LRMDA: variants seen among roughly 807,000 people sequenced by gnomAD.
LRMDA encodes the protein leucine-rich melanocyte differentiation-associated protein.
Under a neutral mutation model 29.8 loss-of-function variants are expected in LRMDA, and 18 were observed. The ratio of observed to expected loss-of-function variants is 0.60; its 90% confidence interval spans 0.42 to 0.90. The LOEUF is 0.90. Among genes scored for constraint, LRMDA ranks in the 40% least tolerant of loss-of-function variants. The pLI is 0.00. For synonymous variants in LRMDA, 125 were observed against 109.4 expected (o/e 1.14, Z -0.89); for missense variants, 273 against 273.9 (o/e 1.00, Z 0.02).
intron 5 of LRMDA, among the ~76,000 whole-genome samples, chr10:76,235,083 G>C (rs1391149780): frequency 6.6e-6 from 1 of 152,142 alleles, no homozygotes; most frequent in African/African-American, 2.4e-5. Context: ...TTTGATTTAA[G>C]TGTGCCTCTT....
At chr10:75,585,098 C>T (rs78860475) in intron 2 of LRMDA, among the ~76,000 whole-genome samples, 16 of 152,286 alleles carry the variant, frequency 1.1e-4, no homozygotes, top group African/African-American at 3.4e-4. Flanking sequence ...ATAGAATATT[C>T]CTGGCACCCA....
In LRMDA at chr10:75,563,141, A is replaced by G. The variant is rs574765669; in HGVS notation, c.131+124647A>G. Among the ~76,000 whole-genome samples the G allele has an allele frequency of 3.1e-3, 470 of 152,130 alleles. 4 individuals carry two copies. The Middle Eastern group carries it at 0.054, about 18-fold the overall frequency. On this transcript the variant is annotated intron_variant, in intron 2 of 6. Coordinates refer to ENST00000611255, the MANE Select transcript of LRMDA (RefSeq NM_001305581.2). ...GCAGAGTGTTTTCCAACTTGGTTCC[A>G]TTCTCCCCGTCACTTTCAGGTACAC... is the stretch of plus-strand genomic sequence containing the variant.
chr10:76,091,146 G>C (rs1451583110), intron 5 of LRMDA, among the ~76,000 whole-genome samples: 1 of 152,142 alleles, frequency 6.6e-6, no homozygotes, highest in Non-Finnish European at 1.5e-5. Context: ...TCTCAACTGT[G>C]AAATAATATC....
intron 5 of LRMDA, among the ~76,000 whole-genome samples, chr10:76,111,714 T>C (rs1849581317): frequency 6.6e-6 from 1 of 152,198 alleles, no homozygotes; most frequent in Non-Finnish European, 1.5e-5. Flanking sequence ...ATAAATGTTA[T>C]TTACTTGCTC....
intron 2 of LRMDA, among the ~76,000 whole-genome samples, chr10:75,949,440 T>C (rs1361253106): frequency 6.6e-6 from 1 of 152,178 alleles, no homozygotes. Flanking sequence ...TCTCAGGGGA[T>C]AGCCATGTGC....
chr10:76,444,671 C>T (rs553477818), intron 6 of LRMDA, among the ~76,000 whole-genome samples: 4 of 152,172 alleles, frequency 2.6e-5, no homozygotes, highest in South Asian at 2.1e-4. Context: ...CCCTATCACA[C>T]GTTGACGAAT....
chr10:75,936,349 G>A (rs1293056549), intron 2 of LRMDA, among the ~76,000 whole-genome samples: 2 of 152,122 alleles, frequency 1.3e-5, no homozygotes, highest in Non-Finnish European at 2.9e-5. Flanking sequence ...AGTCTGACGA[G>A]CTCATCTTTA....
intron 2 of LRMDA, among the ~76,000 whole-genome samples, chr10:75,956,971 TC>T (rs1221795369): frequency 2.0e-5 from 3 of 152,252 alleles, no homozygotes; most frequent in Non-Finnish European, 2.9e-5. Context: ...ACCACTGAAA[TC>T]TTTGCTTTGT....
At chr10:75,708,011 G>C (rs899892785) in intron 2 of LRMDA, among the ~76,000 whole-genome samples, 1 of 152,102 alleles carries the variant, frequency 6.6e-6, no homozygotes, top group African/African-American at 2.4e-5. Context: ...TGTTTCATGA[G>C]CTTAGCAAAC....
chr10:76,481,422 G>C (rs1442343418), intron 6 of LRMDA, among the ~76,000 whole-genome samples: 1 of 151,872 alleles, frequency 6.6e-6, no homozygotes, highest in South Asian at 2.1e-4. Context: ...CTTCTTTAGG[G>C]AGATATAAAT....
At chr10:76,475,048 T>C (rs1346751639) in intron 6 of LRMDA, among the ~76,000 whole-genome samples, 1 of 151,788 alleles carries the variant, frequency 6.6e-6, no homozygotes, top group Middle Eastern at 3.2e-3. Flanking sequence ...GAAGTACTGA[T>C]ATATGCTACA....
At chr10:76,348,840 G>T (rs1284003654) in intron 6 of LRMDA, among the ~76,000 whole-genome samples, 3 of 152,342 alleles carry the variant, frequency 2.0e-5, no homozygotes, top group Non-Finnish European at 4.4e-5. Context: ...GCAGCAAACT[G>T]TGACATTTGC....
intron 5 of LRMDA, among the ~76,000 whole-genome samples, chr10:76,082,010 A>G (rs1249954680): frequency 6.6e-6 from 1 of 152,162 alleles, no homozygotes; most frequent in African/African-American, 2.4e-5. Context: ...CCAAATCCTC[A>G]TCCTTCAGCC....
chr10:76,378,919 C>A (rs1293463948), intron 6 of LRMDA, among the ~76,000 whole-genome samples: 1 of 142,520 alleles, frequency 7.0e-6, no homozygotes, highest in African/African-American at 2.6e-5. Context: ...TGCAGTGGCG[C>A]CATTTTGGCT....
rs1554894323 is a variant in LRMDA at position 75,493,348 on chromosome 10, G to GGGGGGT, written c.131+54855_131+54856insGGGGTG. Among the ~76,000 whole-genome samples the GGGGGGT allele has an allele frequency of 2.3e-5, 3 of 133,270 alleles. No homozygotes were observed. The Admixed American group carries it at 2.3e-4, about 10-fold the overall frequency. The allele number at this position is 133,270 out of a possible 152,430, so 87.4% of individuals were successfully genotyped here. On this transcript the variant is annotated intron_variant, in intron 2 of 6. Coordinates refer to ENST00000611255, the MANE Select transcript of LRMDA (RefSeq NM_001305581.2). The stretch of plus-strand genomic sequence containing the variant: ...AGAGAGCCATAGAGGGTTGAGATTG[G>GGGGGGT]GTGTGTGTGTGTGTGTGTGTGTGTG...
At chr10:75,480,610 G>A (rs1251743975) in intron 2 of LRMDA, among the ~76,000 whole-genome samples, 1 of 152,252 alleles carries the variant, frequency 6.6e-6, no homozygotes, top group Non-Finnish European at 1.5e-5. Context: ...ATCACAAAGG[G>A]ACTTGTAAAC....
chr10:76,479,908 G>T (rs2132325641), intron 6 of LRMDA, among the ~76,000 whole-genome samples: 1 of 151,888 alleles, frequency 6.6e-6, no homozygotes, highest in South Asian at 2.1e-4. Flanking sequence ...TTTATTTCTG[G>T]TTATTAGATT....
intron 2 of LRMDA, among the ~76,000 whole-genome samples, chr10:75,464,784 A>T (rs910256448): frequency 6.6e-6 from 1 of 152,244 alleles, no homozygotes; most frequent in African/African-American, 2.4e-5. Context: ...AATTATCATC[A>T]GAGGATCAAG....
At chr10:75,982,856 G>A (rs1471698629) in intron 2 of LRMDA, among the ~76,000 whole-genome samples, 1 of 152,174 alleles carries the variant, frequency 6.6e-6, no homozygotes, top group Non-Finnish European at 1.5e-5. Context: ...CCCACTATGT[G>A]GCAGGCATTG....
Sources: gnomAD v4.1 joint callset for allele counts (sites outside exome capture counted in the v4.1 genomes callset) on GRCh38, gnomAD v4.1.1 for gene constraint, MANE v1.5 for transcripts, NCBI Gene and HGNC (gene_info 2026-07-23, HGNC 2026-07-21) for gene names.